Variants in OTX1 observed in about 807,000 individuals in gnomAD.
OTX1 encodes orthodenticle homeobox 1.
A neutral mutation model predicts 26.7 loss-of-function variants in OTX1; 7 were observed. That is an observed-to-expected ratio of 0.26 (90% CI 0.15 to 0.49). OTX1 has a LOEUF of 0.49. Among genes scored for constraint, OTX1 ranks in the 20% least tolerant of loss-of-function variants. The pLI, the probability that OTX1 is intolerant of heterozygous loss-of-function variation, is 0.98. For synonymous variants in OTX1, 216 were observed against 212.8 expected (o/e 1.01, Z -0.13); for missense variants, 414 against 483.8 (o/e 0.86, Z 1.35).
Position 63,055,397 on chromosome 2 carries a change from A to C in OTX1, c.250-104A>C, listed in dbSNP as rs746899599. On this transcript the variant is annotated intron_variant, in intron 4 of 4. Coordinates refer to ENST00000282549, the MANE Select transcript of OTX1 (RefSeq NM_014562.4). This position sits in a 1 kb window ranked among gnomAD's most constrained non-coding sequence, Gnocchi z 5.2. ...GGAAGGGGCGGAGGCCTCGGTGAGAAAGGATTGCGATATTCTGGACCGGGA... is the reference window on the plus strand; with the variant it reads ...GGAAGGGGCGGAGGCCTCGGTGAGACAGGATTGCGATATTCTGGACCGGGA... 5 of 1,273,944 alleles carry C rather than the reference A, an allele frequency of 3.9e-6. No homozygotes were observed. Among genetic ancestry groups the C allele is most frequent in the Non-Finnish European group, 5.4e-6 (5 of 923,392 alleles). The allele number at this position is 1,273,944 out of a possible 1,614,324, so 78.9% of individuals were successfully genotyped here.
At position 63,051,334 on chromosome 2, in the gene OTX1, G is replaced by C. The variant is rs956036633; in HGVS notation, c.-112+17G>C. The C allele has an allele frequency of 6.6e-6, 1 of 152,352 alleles. No homozygotes were observed. The highest frequency in any genetic ancestry group is 1.5e-5 in the Non-Finnish European group (1 of 68,150). The allele number at this position is 152,352 out of a possible 1,614,324, so 9.4% of individuals were successfully genotyped here. A position where few individuals can be genotyped will look rare whatever the true frequency, so the allele number is the denominator to read the frequency against. Reference sequence around the variant, plus strand: ...TGAGGGCAGGTAAGGAGAAAGCCGCGGGGCCACCCCGGACTCCGGGAGCGC... The same window carrying C: ...TGAGGGCAGGTAAGGAGAAAGCCGCCGGGCCACCCCGGACTCCGGGAGCGC... On this transcript the variant is annotated intron_variant, in intron 2 of 4. Coordinates refer to ENST00000282549, the MANE Select transcript of OTX1 (RefSeq NM_014562.4).
At position 63,055,465 on chromosome 2, in the gene OTX1, C is replaced by T; in HGVS notation, c.250-36C>T. ...GTGGAGCAACAAGCTCCCCTAGCTC[C>T]CTTTGACCCACTCTCCCCCATCCGG... On this transcript the variant is annotated intron_variant, in intron 4 of 4. Coordinates refer to ENST00000282549, the MANE Select transcript of OTX1 (RefSeq NM_014562.4). The surrounding 1 kb of genome is among the most constrained non-coding windows in gnomAD (Gnocchi z 5.2). The T allele has an allele frequency of 6.3e-7, 1 of 1,588,210 alleles. No homozygotes were observed. Among genetic ancestry groups the T allele is most frequent in the Non-Finnish European group, 8.6e-7 (1 of 1,165,092 alleles).
chr2:63,054,601 A>C (rs2062050106), intron 4 of OTX1, among the ~76,000 whole-genome samples: 1 of 152,164 alleles, frequency 6.6e-6, no homozygotes, highest in Non-Finnish European at 1.5e-5. Flanking sequence ...CCACCCCGGG[A>C]ATCCTAGAAA....
In OTX1 at chr2:63,056,123, GCCACCACCACCA is replaced by G. The variant is rs773204989; in HGVS notation, c.876_887del (p.His298_His301del). 6.2e-7 allele frequency: 1 copy of G among 1,613,704 alleles called. No homozygotes were observed. The highest frequency in any genetic ancestry group is 1.7e-5 in the Admixed American group (1 of 59,972). ...CACCACCCGTTGAGCCAGTCCTCAG[GCCACCACCACCA>G]CCATCACCACCACCACCACCAAGGC... On this transcript the variant is annotated inframe_deletion, in exon 5 of 5. Coordinates refer to ENST00000282549, the MANE Select transcript of OTX1 (RefSeq NM_014562.4).
In OTX1 at chr2:63,055,651, A is replaced by G; in HGVS notation, c.400A>G (p.Ser134Gly). Residue 134 changes from serine (S) to glycine (G), a missense_variant, in exon 5 of 5, where the codon AGC (serine) becomes GGC (glycine). Around this residue, in one of 3 missense-constraint regions of OTX1, gnomAD observed 320 missense variants for 347.9 expected, o/e 0.92. Transcript: ENST00000282549. This position sits in a 1 kb window ranked among gnomAD's most constrained non-coding sequence, Gnocchi z 5.2. ...CCAATTCACGCCGCCAGCTGTGTCCAGCTCTGCCTCGTCCTCTAGCTCGGC... is the reference window on the plus strand; with the variant it reads ...CCAATTCACGCCGCCAGCTGTGTCCGGCTCTGCCTCGTCCTCTAGCTCGGC... Reference protein sequence around the residue: ...SGQFTPPAVSSSASSSSSASS... With the variant: ...SGQFTPPAVSGSASSSSSASS... The G allele has an allele frequency of 6.2e-7, 1 of 1,614,092 alleles. No individual in the cohort carries two copies. The highest frequency in any genetic ancestry group is 8.5e-7 in the Non-Finnish European group (1 of 1,180,012).
intron 1 of OTX1, 168 bp downstream of exon 1, chr2:63,051,065 T>C (rs1337247611): frequency 6.6e-6 from 1 of 152,048 alleles, no homozygotes; most frequent in African/African-American, 2.4e-5. Context: ...GGCGAGGCAA[T>C]GTCCTGAGAA....
At position 63,054,079 on chromosome 2, in the gene OTX1, A is replaced by G. The variant is rs1231546633; in HGVS notation, c.130A>G (p.Thr44Ala). Reference protein sequence around the residue: ...TPRKQRRERTTFTRSQLDVLE... With the variant: ...TPRKQRRERTAFTRSQLDVLE... ...GCGGAAGCAGCGGCGGGAGCGCACC[A>G]CCTTCACGCGTTCACAGCTGGACGT... The change falls in exon 4 of 5, where the codon ACC (threonine) becomes GCC (alanine). Residue 44 changes from threonine (T) to alanine (A), a missense_variant. Thr to Ala is a moderately conservative substitution (Grantham distance 58). This residue lies in a region of OTX1 where 46 missense variants were observed against 94.3 expected (regional missense o/e 0.49). Transcript: ENST00000282549. 6.2e-7 allele frequency: 1 copy of G among 1,610,690 alleles called. No homozygotes were observed. The highest frequency in any genetic ancestry group is 2.2e-5 in the East Asian group (1 of 44,594).
At chr2:63,053,278 C>G (rs921872897) in intron 3 of OTX1, 191 bp downstream of exon 3, 2 of 463,872 alleles carry the variant, frequency 4.3e-6, no homozygotes, top group African/African-American at 4.1e-5. Flanking sequence ...GTGAGGTGGC[C>G]AGGGCTGAGA....
Position 63,056,327 on chromosome 2 carries a change from G to T in OTX1, c.*11G>T. On this transcript the variant is annotated 3_prime_UTR_variant, in exon 5 of 5. Coordinates refer to ENST00000282549, the MANE Select transcript of OTX1 (RefSeq NM_014562.4). Reference sequence around the variant, plus strand: ...TTCCAGGTCTTGTGAGCCCAGGAATGAAAGAGGAGAAGAAACGCAACTACC... The same window carrying T: ...TTCCAGGTCTTGTGAGCCCAGGAATTAAAGAGGAGAAGAAACGCAACTACC... 6.3e-7 allele frequency: 1 copy of T among 1,598,668 alleles called. No individual in the cohort carries two copies. The highest frequency in any genetic ancestry group is 8.5e-7 in the Non-Finnish European group (1 of 1,169,992).
rs2062072933 is a variant in OTX1, at chr2:63,056,952, A to G, written c.*636A>G. 6.6e-6 allele frequency: 1 copy of G among 152,578 alleles called. No homozygotes were observed. Among genetic ancestry groups the G allele is most frequent in the South Asian group, 2.1e-4 (1 of 4,836 alleles). 9.5% of individuals were successfully genotyped at this position (152,578 alleles called of 1,614,324 possible). ...AGCGCGTCCCCAGCCTTCCGCGCACAGAGCCGCATCCCGCCCCGCCCTGCG... is the reference window on the plus strand; with the variant it reads ...AGCGCGTCCCCAGCCTTCCGCGCACGGAGCCGCATCCCGCCCCGCCCTGCG... On this transcript the variant is annotated 3_prime_UTR_variant, in exon 5 of 5. Coordinates refer to ENST00000282549, the MANE Select transcript of OTX1 (RefSeq NM_014562.4).
chr2:63,049,948 A>T (rs989664069), upstream of OTX1: 4 of 152,302 alleles, frequency 2.6e-5, no homozygotes, highest in Non-Finnish European at 4.4e-5. This position sits in a 1 kb window ranked among gnomAD's most constrained non-coding sequence, Gnocchi z 4.8. Context: ...ATTTTCCATC[A>T]AAAAGTCCCT....
Position 63,055,056 on chromosome 2 carries a change from G to A in OTX1, c.250-445G>A, listed in dbSNP as rs1029115047. 6.6e-6 allele frequency among the ~76,000 whole-genome samples: 1 copy of A among 152,232 alleles called. No individual in the cohort carries two copies. The highest frequency in any genetic ancestry group is 2.4e-5 in the African/African-American group (1 of 41,452). On this transcript the variant is annotated intron_variant, in intron 4 of 4. Transcript: ENST00000282549. This position sits in a 1 kb window ranked among gnomAD's most constrained non-coding sequence, Gnocchi z 5.2. Reference sequence around the variant, plus strand: ...GTGAAACGGCTCAGGCCCTAGACTTGGTGACTGTTCCACACTCTTCGGCTC... The same window carrying A: ...GTGAAACGGCTCAGGCCCTAGACTTAGTGACTGTTCCACACTCTTCGGCTC...
At chr2:63,054,626 T>C (rs1166402045) in intron 4 of OTX1, among the ~76,000 whole-genome samples, 1 of 152,180 alleles carries the variant, frequency 6.6e-6, no homozygotes, top group Admixed American at 6.5e-5. Flanking sequence ...AGAGCGGAGA[T>C]TGGCTGGAGC....
chr2:63,054,214 G>T lies in OTX1; in HGVS notation c.249+16G>T. 1 of 1,574,638 alleles carries T rather than the reference G, an allele frequency of 6.4e-7. No individual in the cohort carries two copies. Among genetic ancestry groups the T allele is most frequent in the African/African-American group, 1.3e-5 (1 of 74,128 alleles). ...TAGAGTCCAGGTGCGCACTCCCCGG[G>T]CTCCAGGGTCTGGGTAGGGGAGCTG... On this transcript the variant is annotated intron_variant, in intron 4 of 4. Coordinates refer to ENST00000282549, the MANE Select transcript of OTX1 (RefSeq NM_014562.4).
At chr2:63,054,604 C>T (rs2062050120) in intron 4 of OTX1, among the ~76,000 whole-genome samples, 1 of 152,224 alleles carries the variant, frequency 6.6e-6, no homozygotes, top group Non-Finnish European at 1.5e-5. Context: ...CCCCGGGAAT[C>T]CTAGAAATGG....
Position 63,055,364 on chromosome 2 carries a change from C to T in OTX1, c.250-137C>T. The stretch of plus-strand genomic sequence containing the variant: ...GGTAGGGGGCAGGGTCTGGCCAGGC[C>T]AGAGACAGGAAGGGGCGGAGGCCTC... On this transcript the variant is annotated intron_variant, in intron 4 of 4. Transcript: ENST00000282549. The surrounding 1 kb of genome is among the most constrained non-coding windows in gnomAD (Gnocchi z 5.2). The T allele has an allele frequency of 1.1e-6, 1 of 921,426 alleles. No individual in the cohort carries two copies. The highest frequency in any genetic ancestry group is 1.6e-6 in the Non-Finnish European group (1 of 622,556). 57.1% of individuals were successfully genotyped at this position (921,426 alleles called of 1,614,324 possible). A position where few individuals can be genotyped will look rare whatever the true frequency, so the allele number is the denominator to read the frequency against.
chr2:63,053,945 T>C (rs1435748665), intron 3 of OTX1, 102 bp from the exon 4 acceptor site: 1 of 1,368,128 alleles, frequency 7.3e-7, no homozygotes, highest in African/African-American at 1.5e-5. Context: ...GGCTTTCTTT[T>C]GCGAAGGCCG....
In OTX1 at chr2:63,054,109, G is replaced by A; in HGVS notation, c.160G>A (p.Glu54Lys). ...TFTRSQLDVLEALFAKTRYPD... is the reference protein window; with the variant it reads ...TFTRSQLDVLKALFAKTRYPD... ...CACGCGTTCACAGCTGGACGTGCTCGAGGCGCTCTTCGCCAAGACTCGCTA... is the reference window on the plus strand; with the variant it reads ...CACGCGTTCACAGCTGGACGTGCTCAAGGCGCTCTTCGCCAAGACTCGCTA... Residue 54 changes from glutamate (E) to lysine (K), a missense_variant, in exon 4 of 5, where the codon GAG becomes AAG. Physicochemically the swap from Glu to Lys is moderately conservative, Grantham distance 56. Transcript: ENST00000282549. 1 of 1,612,198 alleles carries A rather than the reference G, an allele frequency of 6.2e-7. No homozygotes were observed. The highest frequency in any genetic ancestry group is 8.5e-7 in the Non-Finnish European group (1 of 1,179,260).
At chr2:63,053,179 A>G (rs1027377288) in intron 3 of OTX1, 92 bp downstream of exon 3, 4 of 833,030 alleles carry the variant, frequency 4.8e-6, no homozygotes, top group South Asian at 1.7e-5. Flanking sequence ...GTTGCTGAGC[A>G]GGCCCAGGGA....
Sources: gnomAD v4.1 joint callset for allele counts (sites outside exome capture counted in the v4.1 genomes callset) on GRCh38, gnomAD v4.1.1 for gene constraint, gnomAD v4.1.1 regional missense constraint, Gnocchi (gnomAD v3.1) non-coding constraint, MANE v1.5 for transcripts, NCBI Gene and HGNC (gene_info 2026-07-23, HGNC 2026-07-21) for gene names.